OCA2: variants seen among roughly 807,000 people sequenced by gnomAD.
OCA2 encodes OCA2 melanosomal transmembrane protein.
In OCA2, 77 loss-of-function variants were observed where a neutral mutation model predicts 100.2. The ratio of observed to expected loss-of-function variants is 0.77; its 90% CI spans 0.64 to 0.93. The LOEUF (loss-of-function observed/expected upper bound fraction) is 0.93, where lower values mean the gene tolerates loss of function less well. Ranked by LOEUF, OCA2 falls within the 40% of genes least tolerant of loss-of-function variation. The probability of loss-of-function intolerance (pLI) is 0.00; values close to 1 mark genes in which losing one functional copy is unlikely to be tolerated. For synonymous variants in OCA2, 432 were observed against 439.2 expected, an observed-to-expected ratio of 0.98 and a Z score of 0.21; for missense variants, 1,062 against 1,089.1, an observed-to-expected ratio of 0.98 and a Z score of 0.35.
At chr15:27,912,682 A>G (rs2038442428) in intron 19 of OCA2, among the ~76,000 whole-genome samples, 1 of 152,250 alleles carries the variant, frequency 6.6e-6, no homozygotes, top group Non-Finnish European at 1.5e-5. Context: ...AATCATCATT[A>G]GGCAAACTCT....
intron 2 of OCA2, among the ~76,000 whole-genome samples, chr15:28,076,840 C>G (rs111725615): frequency 2.4e-5 from 3 of 123,226 alleles, no homozygotes; most frequent in Admixed American, 2.1e-4. Flanking sequence ...GGCGACAGAG[C>G]GAGACTCCGT....
intron 23 of OCA2, among the ~76,000 whole-genome samples, chr15:27,805,434 G>A (rs1290768651): frequency 6.6e-6 from 1 of 152,248 alleles, no homozygotes; most frequent in Non-Finnish European, 1.5e-5. Context: ...GCAGGCAGAT[G>A]GCTGCACACC....
the OCA2 span, among the ~76,000 whole-genome samples, chr15:27,740,354 C>T: frequency 7.9e-5 from 12 of 152,156 alleles, no homozygotes; most frequent in Middle Eastern, 3.4e-3. Context: ...GGCCAGCCCC[C>T]GTGCCCGTCC....
At chr15:27,809,040 C>A (rs1367235105) in intron 23 of OCA2, among the ~76,000 whole-genome samples, 4 of 152,192 alleles carry the variant, frequency 2.6e-5, no homozygotes, top group African/African-American at 9.6e-5. Flanking sequence ...CTCACTGCAG[C>A]CCCCAAAGGC....
chr15:27,722,415 C>T, the OCA2 span, among the ~76,000 whole-genome samples: 1 of 152,214 alleles, frequency 6.6e-6, no homozygotes, highest in African/African-American at 2.4e-5. Flanking sequence ...ACCTGGCAGC[C>T]TTGTGGCTGT....
At chr15:27,824,455 A>C (rs2034622635) in intron 23 of OCA2, among the ~76,000 whole-genome samples, 1 of 151,904 alleles carries the variant, frequency 6.6e-6, no homozygotes, top group East Asian at 1.9e-4. Context: ...GATCAAGGGC[A>C]TCAAGTTTAA....
At chr15:27,874,335 T>C (rs2036701792) in intron 19 of OCA2, among the ~76,000 whole-genome samples, 2 of 151,968 alleles carry the variant, frequency 1.3e-5, no homozygotes, top group African/African-American at 2.4e-5. Flanking sequence ...TCAGAGGAGG[T>C]GTGAACACCT....
At chr15:28,081,517 G>T in intron 2 of OCA2, 131 bp downstream of exon 2, 1 of 779,868 alleles carries the variant, frequency 1.3e-6, no homozygotes, top group Non-Finnish European at 2.2e-6. Context: ...CCAGGAAAGT[G>T]ATCTAATGCT....
At chr15:27,970,675 G>C (rs1003593986) in intron 14 of OCA2, among the ~76,000 whole-genome samples, 1 of 136,214 alleles carries the variant, frequency 7.3e-6, no homozygotes, top group African/African-American at 2.8e-5. Flanking sequence ...CCCAGCATAC[G>C]CAGTACGGCA....
chr15:28,093,042 C>A (rs1405251455), intron 1 of OCA2, among the ~76,000 whole-genome samples: 1 of 152,012 alleles, frequency 6.6e-6, no homozygotes, highest in Non-Finnish European at 1.5e-5. Flanking sequence ...GGAGGATATG[C>A]ACACGGCAAC....
At chr15:27,924,606 A>G (rs2038980445) in intron 19 of OCA2, among the ~76,000 whole-genome samples, 1 of 152,318 alleles carries the variant, frequency 6.6e-6, no homozygotes, top group South Asian at 2.1e-4. Context: ...TCCAGCACAG[A>G]TCATATTAAA....
intron 9 of OCA2, among the ~76,000 whole-genome samples, chr15:28,007,405 C>A (rs1263414255): frequency 2.6e-5 from 4 of 152,236 alleles, no homozygotes; most frequent in African/African-American, 9.6e-5. Flanking sequence ...ATTGCTCCAA[C>A]TGTGTTCTTT....
chr15:27,806,643 C>T (rs941512162), intron 23 of OCA2, among the ~76,000 whole-genome samples: 21 of 152,230 alleles, frequency 1.4e-4, no homozygotes, highest in African/African-American at 4.8e-4. Flanking sequence ...CTGTCCCTCC[C>T]GGCACTGATG....
intron 23 of OCA2, among the ~76,000 whole-genome samples, chr15:27,768,040 C>T (rs1280968745): frequency 6.6e-6 from 1 of 152,164 alleles, no homozygotes; most frequent in African/African-American, 2.4e-5. Flanking sequence ...GAAGGCCCGG[C>T]TTCCAGCTGA....
intron 14 of OCA2, among the ~76,000 whole-genome samples, chr15:27,972,684 A>G (rs1323360979): frequency 6.7e-6 from 1 of 149,946 alleles, no homozygotes; most frequent in Non-Finnish European, 1.5e-5. Context: ...TCATTTGCCT[A>G]CTTTTTATTG....
chr15:27,901,236 C>A (rs2037915945), intron 19 of OCA2, among the ~76,000 whole-genome samples: 1 of 152,250 alleles, frequency 6.6e-6, no homozygotes, highest in East Asian at 1.9e-4. Flanking sequence ...CTAACAGGCA[C>A]AAGTGGAGGA....
intron 16 of OCA2, among the ~76,000 whole-genome samples, chr15:27,956,496 C>T (rs974087387): frequency 8.5e-5 from 13 of 152,208 alleles, no homozygotes; most frequent in Admixed American, 7.2e-4. Flanking sequence ...CTGATGGGAA[C>T]GTGGTGAGCC....
chr15:27,960,378 T>A (rs1382252921), intron 15 of OCA2, among the ~76,000 whole-genome samples: 1 of 152,178 alleles, frequency 6.6e-6, no homozygotes, highest in African/African-American at 2.4e-5. Flanking sequence ...AGATATATCA[T>A]AAATAAACAT....
At chr15:27,785,495 A>AC (rs2032766443) in intron 23 of OCA2, among the ~76,000 whole-genome samples, 3 of 152,220 alleles carry the variant, frequency 2.0e-5, no homozygotes, top group African/African-American at 7.2e-5. Context: ...CAATATTACT[A>AC]ATCATTAGGG....
Sources: allele counts gnomAD v4.1 joint callset (sites outside exome capture counted in the v4.1 genomes callset), GRCh38; gene constraint gnomAD v4.1.1; transcripts MANE v1.5; gene names NCBI Gene and HGNC (gene_info 2026-07-23, HGNC 2026-07-21).